CRNKL1: variants seen among roughly 807,000 people sequenced by gnomAD.
CRNKL1 encodes crooked neck pre-mRNA splicing factor 1.
In CRNKL1, 35 loss-of-function variants were observed where a neutral mutation model predicts 103.7. The ratio of observed to expected loss-of-function variants is 0.34; its 90% CI spans 0.26 to 0.45. The LOEUF is 0.45. Ranked by LOEUF, CRNKL1 falls within the 20% of genes least tolerant of loss-of-function variation. CRNKL1 has a pLI of 1.00. For missense variants in CRNKL1, 645 were observed against 836.0 expected (o/e 0.77, Z 2.82); for synonymous variants, 267 against 282.6 (o/e 0.94, Z 0.55).
upstream of CRNKL1, among the ~76,000 whole-genome samples, chr20:20,054,013 G>GTTTTT (rs1239349657): frequency 9.1e-4 from 54 of 59,034 alleles, no homozygotes; most frequent in Non-Finnish European, 1.2e-3. Flanking sequence ...TTTTTTGTTT[G>GTTTTT]TTTTTTTTTT....
At chr20:20,037,279 A>G (rs2043435058) in intron 13 of CRNKL1, 44 bp downstream of exon 13, 1 of 1,587,002 alleles carries the variant, frequency 6.3e-7, no homozygotes, top group Non-Finnish European at 8.6e-7. Context: ...AAGTGTTTCT[A>G]CTCATGTGAC....
At chr20:20,055,004 C>G (rs1325922600), upstream of CRNKL1, among the ~76,000 whole-genome samples, 2 of 152,076 alleles carry the variant, frequency 1.3e-5, no homozygotes, top group African/African-American at 4.8e-5. Flanking sequence ...TTACTGAATT[C>G]TGTATTTTCT....
chr20:20,042,542 T>TA, intron 7 of CRNKL1, 26 bp from the exon 8 acceptor site: 1 of 1,579,674 alleles, frequency 6.3e-7, no homozygotes, highest in Non-Finnish European at 8.6e-7. Context: ...GTTTAATAAA[T>TA]AAAAAACAAA....
chr20:20,052,728 A>T, upstream of CRNKL1: 2 of 1,599,306 alleles, frequency 1.3e-6, no homozygotes, highest in Non-Finnish European at 1.7e-6. Context: ...GCGCCCTGCA[A>T]GGGAGTAAGA....
intron 6 of CRNKL1, among the ~76,000 whole-genome samples, chr20:20,044,283 G>A (rs563636492): frequency 1.4e-4 from 21 of 152,204 alleles, no homozygotes; most frequent in South Asian, 6.2e-4. Context: ...TCACTGTCCC[G>A]CTTAAAACCT....
chr20:20,044,626 C>CT (rs1045420849), intron 6 of CRNKL1, among the ~76,000 whole-genome samples: 17 of 151,446 alleles, frequency 1.1e-4, no homozygotes, highest in East Asian at 3.9e-4. Context: ...TTTGAACTCC[C>CT]TTTTTTTTTA....
At chr20:20,042,258 A>G in intron 8 of CRNKL1, 67 bp downstream of exon 8, 1 of 1,365,960 alleles carries the variant, frequency 7.3e-7, no homozygotes, top group Non-Finnish European at 9.9e-7. Context: ...AACATCCACA[A>G]TAGGTGAGCT....
In CRNKL1 at chr20:20,042,530, C is replaced by A; in HGVS notation, c.973-14G>T. ...GTGTGGATTCGCCTAGAAAGACAAC[C>A]AGTTTAATAAATAAAAAACAAAACC... On this transcript the variant is annotated splice_polypyrimidine_tract_variant and intron_variant, in intron 7 of 13. Transcript: ENST00000536226. 6.3e-7 allele frequency: 1 copy of A among 1,589,696 alleles called. No individual in the cohort carries two copies. The highest frequency in any genetic ancestry group is 8.6e-7 in the Non-Finnish European group (1 of 1,168,838).
intron 9 of CRNKL1, among the ~76,000 whole-genome samples, chr20:20,041,227 C>A (rs990167689): frequency 6.6e-6 from 1 of 152,254 alleles, no homozygotes; most frequent in African/African-American, 2.4e-5. Flanking sequence ...GCACATTCAT[C>A]TGTGCATGCA....
At chr20:20,047,174 A>G (rs975864923) in intron 5 of CRNKL1, among the ~76,000 whole-genome samples, 6 of 152,244 alleles carry the variant, frequency 3.9e-5, no homozygotes, top group Non-Finnish European at 8.8e-5. Context: ...TGGCAATGGC[A>G]GCCAGGACCT....
intron 3 of CRNKL1, 109 bp from the exon 4 acceptor site, chr20:20,048,610 G>T: frequency 1.8e-6 from 2 of 1,091,554 alleles, no homozygotes; most frequent in Non-Finnish European, 2.6e-6. Flanking sequence ...TCTACCATGA[G>T]CCAAGTTCTG....
At chr20:20,046,952 C>T (rs1202713096) in intron 5 of CRNKL1, among the ~76,000 whole-genome samples, 2 of 152,206 alleles carry the variant, frequency 1.3e-5, no homozygotes, top group Non-Finnish European at 2.9e-5. Context: ...TGAGGAATGA[C>T]TGTACTTCAG....
upstream of CRNKL1, chr20:20,055,915 TGAGA>T: frequency 1.3e-6 from 2 of 1,510,974 alleles, no homozygotes; most frequent in Non-Finnish European, 9.2e-7. Flanking sequence ...ATTGAGACAA[TGAGA>T]GAGAAATTGA....
rs924223214 is a variant in CRNKL1 at position 20,052,219 on chromosome 20, C to G, written c.51+73G>C. 3.0e-6 allele frequency: 4 copies of G among 1,345,540 alleles called. No individual in the cohort carries two copies. In the African/African-American group the frequency reaches 5.8e-5, roughly 19 times the overall value. 83.4% of individuals were successfully genotyped at this position (1,345,540 alleles called of 1,614,324 possible). ...CCCCGGCGGGAACACTCTCTCCCAA[C>G]CCGGGCACCCTCAGGGCTGAGGGAT... On this transcript the variant is annotated intron_variant, in intron 1 of 13. Transcript: ENST00000536226.
chr20:20,047,870 C>A lies in CRNKL1; in HGVS notation c.517G>T (p.Glu173Ter), dbSNP rs781567211. ...GNVAGARQVF[E>*]RWMEWQPEEQ... Reference sequence around the variant, plus strand: ...TCAGGCTGCCACTCCATCCAGCGCTCAAACACCTGCCGGGCACCGGCAACG... The same window carrying A: ...TCAGGCTGCCACTCCATCCAGCGCTAAAACACCTGCCGGGCACCGGCAACG... The change falls in exon 5 of 14, where the codon GAG becomes TAG. Residue 173 changes from glutamate (E) to a stop codon, truncating the protein, a stop_gained. Transcript: ENST00000536226. LOFTEE classifies it high-confidence loss of function. The A allele has an allele frequency of 2.5e-6, 4 of 1,614,268 alleles. No individual in the cohort carries two copies. Among genetic ancestry groups the A allele is most frequent in the Non-Finnish European group, 3.4e-6 (4 of 1,180,048 alleles).
chr20:20,049,289 C>T, intron 3 of CRNKL1, 51 bp downstream of exon 3: 1 of 1,004,756 alleles, frequency 1.0e-6, no homozygotes, highest in East Asian at 2.4e-5. Flanking sequence ...TTTTTGGTAT[C>T]TGTTAATCTA....
Position 20,039,961 on chromosome 20 carries a change from A to G in CRNKL1, c.1306-113T>C, listed in dbSNP as rs193107103. ...TGAGGAAGAATCTTGCAAAGTCAACATGGCCTACCATTCTTTCCCTCTGTG... is the reference window on the plus strand; with the variant it reads ...TGAGGAAGAATCTTGCAAAGTCAACGTGGCCTACCATTCTTTCCCTCTGTG... On this transcript the variant is annotated intron_variant, in intron 10 of 13. Transcript: ENST00000536226. 9 of 1,053,226 alleles carry G rather than the reference A, an allele frequency of 8.5e-6. No individual in the cohort carries two copies. The East Asian group carries it at 1.5e-4, about 17-fold the overall frequency. 65.2% of individuals were successfully genotyped at this position (1,053,226 alleles called of 1,614,324 possible). A position where few individuals can be genotyped will look rare whatever the true frequency, so the allele number is the denominator to read the frequency against.
chr20:20,052,134 C>A (rs1260143168), intron 1 of CRNKL1, among the ~76,000 whole-genome samples, 158 bp downstream of exon 1: 1 of 152,232 alleles, frequency 6.6e-6, no homozygotes, highest in East Asian at 1.9e-4. Flanking sequence ...TCCGCGATGA[C>A]AAGAGCCCGC....
At chr20:20,038,497 C>T (rs1196164230) in intron 11 of CRNKL1, 47 bp from the exon 12 acceptor site, 1 of 1,094,754 alleles carries the variant, frequency 9.1e-7, no homozygotes, top group South Asian at 1.3e-5. Flanking sequence ...TACAAAGCAG[C>T]ATGCCCCCAT....
Sources: gnomAD v4.1 joint callset for allele counts (sites outside exome capture counted in the v4.1 genomes callset) on GRCh38, gnomAD v4.1.1 for gene constraint, MANE v1.5 for transcripts, NCBI Gene and HGNC (gene_info 2026-07-23, HGNC 2026-07-21) for gene names.